RPH3A: variants seen among roughly 807,000 people sequenced by gnomAD.
The protein encoded by RPH3A is rabphilin 3A.
RPH3A carries 48 observed loss-of-function variants against 102.2 expected under a neutral mutation model. That is an observed-to-expected ratio of 0.47 (90% CI 0.37 to 0.60). RPH3A has a LOEUF of 0.60. RPH3A is among the 20% of genes least tolerant of loss of function. RPH3A has a pLI of 0.00. For missense variants in RPH3A, 781 were observed against 910.1 expected, an observed-to-expected ratio of 0.86 and a Z score of 1.83; for synonymous variants, 310 against 324.3, an observed-to-expected ratio of 0.96 and a Z score of 0.47.
intron 2 of RPH3A, among the ~76,000 whole-genome samples, chr12:112,828,087 C>T (rs2041909874): frequency 6.6e-6 from 1 of 152,112 alleles, no homozygotes; most frequent in South Asian, 2.1e-4. Flanking sequence ...GGGGGTTCTT[C>T]CCTCTGGTGC....
intron 1 of RPH3A, among the ~76,000 whole-genome samples, chr12:112,642,603 T>C (rs1467503180): frequency 6.6e-6 from 1 of 152,156 alleles, no homozygotes; most frequent in Non-Finnish European, 1.5e-5. Flanking sequence ...AATTTTTCAG[T>C]TGGCCAGTTG....
At chr12:112,583,851 T>TG (rs750741442) in intron 1 of RPH3A, among the ~76,000 whole-genome samples, 12 of 152,168 alleles carry the variant, frequency 7.9e-5, no homozygotes, top group Non-Finnish European at 1.5e-4. Context: ...CAGGTGGTTG[T>TG]GGCAGATGCC....
chr12:112,605,187 C>T (rs1193912315), intron 1 of RPH3A, among the ~76,000 whole-genome samples: 1 of 152,086 alleles, frequency 6.6e-6, no homozygotes, highest in African/African-American at 2.4e-5. Flanking sequence ...CCAGCCTGGC[C>T]AATATGATGA....
chr12:112,854,110 G>T (rs1018592552), intron 5 of RPH3A, among the ~76,000 whole-genome samples: 7 of 152,176 alleles, frequency 4.6e-5, no homozygotes, highest in Admixed American at 2.0e-4. Flanking sequence ...AATTCTTTGT[G>T]TGGGGGCTGT....
At chr12:112,876,961 CCCAGACCCCTAATATA>C (rs2042814240) in intron 13 of RPH3A, 95 bp downstream of exon 13, 2 of 819,766 alleles carry the variant, frequency 2.4e-6, no homozygotes, top group South Asian at 2.0e-5. Flanking sequence ...CCTGTCTATC[CCCAGACCCCTAATATA>C]CCAGACCTAA....
chr12:112,735,201 A>G (rs1399593322), intron 1 of RPH3A, among the ~76,000 whole-genome samples: 1 of 152,232 alleles, frequency 6.6e-6, no homozygotes, highest in African/African-American at 2.4e-5. Context: ...AGAGCTTAGT[A>G]TCGATTATCC....
rs189206411 is a variant in RPH3A at position 112,633,169 on chromosome 12, T to G, written c.-140+57850T>G. On this transcript the variant is annotated intron_variant, in intron 1 of 21. Transcript: ENST00000543106. ...GAGCTATGATCATGCTGCTGCACTC[T>G]AGCCTGGGCAACAGAGCAAAACCCT... is the stretch of plus-strand genomic sequence containing the variant. Among the ~76,000 whole-genome samples the G allele has an allele frequency of 3.3e-5, 5 of 152,276 alleles. No individual in the cohort carries two copies. The East Asian group carries it at 9.7e-4, about 29-fold the overall frequency.
intron 20 of RPH3A, among the ~76,000 whole-genome samples, chr12:112,894,911 C>G (rs938395097): frequency 6.6e-6 from 1 of 151,992 alleles, no homozygotes; most frequent in African/African-American, 2.4e-5. Flanking sequence ...ATTTATACAT[C>G]ACTGTGAACA....
chr12:112,758,529 A>G (rs942994226), intron 1 of RPH3A, among the ~76,000 whole-genome samples: 1 of 152,188 alleles, frequency 6.6e-6, no homozygotes, highest in African/African-American at 2.4e-5. Context: ...TTTATTGAGC[A>G]CCTACTATGT....
chr12:112,799,869 A>G (rs1480359601), intron 2 of RPH3A, among the ~76,000 whole-genome samples: 1 of 152,212 alleles, frequency 6.6e-6, no homozygotes, highest in Non-Finnish European at 1.5e-5. Context: ...TGGGACTAGG[A>G]TGGAGCCTAA....
chr12:112,865,088 T>TAA (rs780637391), intron 5 of RPH3A, among the ~76,000 whole-genome samples: 1 of 152,084 alleles, frequency 6.6e-6, no homozygotes, highest in African/African-American at 2.4e-5. Context: ...TGGAGACAGA[T>TAA]AAATAGACCT....
At chr12:112,591,262 A>G (rs911920475) in intron 1 of RPH3A, among the ~76,000 whole-genome samples, 1 of 149,216 alleles carries the variant, frequency 6.7e-6, no homozygotes, top group Non-Finnish European at 1.5e-5. Context: ...ATTAAAAAAA[A>G]TTTTTAGGAG....
At chr12:112,717,858 A>T (rs1311159406) in intron 1 of RPH3A, 1 of 152,118 alleles carries the variant, frequency 6.6e-6, no homozygotes, top group Non-Finnish European at 1.5e-5. Flanking sequence ...CCCCAGCAAT[A>T]GATGAGGGTT....
At chr12:112,631,168 A>G (rs2039801322) in intron 1 of RPH3A, among the ~76,000 whole-genome samples, 1 of 152,120 alleles carries the variant, frequency 6.6e-6, no homozygotes, top group Admixed American at 6.5e-5. Flanking sequence ...CTCTGCTTTA[A>G]TCTTGCAGCA....
At chr12:112,578,746 G>T (rs2039376112) in intron 1 of RPH3A, among the ~76,000 whole-genome samples, 1 of 152,180 alleles carries the variant, frequency 6.6e-6, no homozygotes, top group African/African-American at 2.4e-5. Context: ...TGCTTACAGG[G>T]TCCGAGCATG....
rs1012038682 is a variant in RPH3A at position 112,780,048 on chromosome 12, G to A, written c.-139-12095G>A. Among the ~76,000 whole-genome samples the A allele has an allele frequency of 3.3e-5, 5 of 152,148 alleles. No homozygotes were observed. The South Asian group carries it at 6.2e-4, about 19-fold the overall frequency. ...GATTCGTCCCCAGAGTCTTCAGAGC[G>A]AACACGGCCCTGCTGAGGTCTTCAG... On this transcript the variant is annotated intron_variant, in intron 1 of 21. Coordinates refer to the RPH3A transcript ENST00000543106.
intron 2 of RPH3A, among the ~76,000 whole-genome samples, chr12:112,803,939 A>G (rs1394345133): frequency 6.6e-6 from 1 of 152,216 alleles, no homozygotes; most frequent in Non-Finnish European, 1.5e-5. Context: ...TACCTCCCTC[A>G]TAGAGTGGCT....
At chr12:112,627,322 T>G (rs1172056676) in intron 1 of RPH3A, among the ~76,000 whole-genome samples, 2 of 149,910 alleles carry the variant, frequency 1.3e-5, no homozygotes, top group Non-Finnish European at 3.0e-5. Flanking sequence ...ATGTAATATA[T>G]AGTATTTATT....
chr12:112,694,270 A>C (rs1161380485), intron 1 of RPH3A, among the ~76,000 whole-genome samples: 2 of 152,198 alleles, frequency 1.3e-5, no homozygotes, highest in Non-Finnish European at 2.9e-5. Flanking sequence ...GGGAGGATGC[A>C]GGGAGTGTCT....
Sources: allele counts gnomAD v4.1 joint callset (sites outside exome capture counted in the v4.1 genomes callset), GRCh38; gene constraint gnomAD v4.1.1; transcripts MANE v1.5; gene names NCBI Gene and HGNC (gene_info 2026-07-23, HGNC 2026-07-21).